Variants in TBC1D19 observed in about 807,000 individuals in gnomAD.
The protein encoded by TBC1D19 is TBC1 domain family member 19, also known as TBC1 domain family, member 19.
TBC1D19 carries 60 observed loss-of-function variants against 89.0 expected under a neutral mutation model. That is an observed-to-expected ratio of 0.67 (90% CI 0.55 to 0.84). The LOEUF is 0.84. Ranked by LOEUF, TBC1D19 falls within the 40% of genes least tolerant of loss-of-function variation. TBC1D19 has a pLI of 0.00. For synonymous variants in TBC1D19, 189 were observed against 199.7 expected (o/e 0.95, Z 0.45); for missense variants, 500 against 610.8 (o/e 0.82, Z 1.91).
chr4:26,642,958 T>C (rs1428064107), intron 7 of TBC1D19, among the ~76,000 whole-genome samples: 7 of 152,294 alleles, frequency 4.6e-5, no homozygotes, highest in Non-Finnish European at 1.0e-4. Flanking sequence ...AAAAGAGACT[T>C]AGACTCCCAC....
chr4:26,830,028 A>G, the TBC1D19 span, among the ~76,000 whole-genome samples: 1 of 152,124 alleles, frequency 6.6e-6, no homozygotes, highest in Non-Finnish European at 1.5e-5. Flanking sequence ...TTGAGGGATT[A>G]GGGCCTTAGT....
At chr4:26,592,066 G>C (rs1390335471) in intron 1 of TBC1D19, among the ~76,000 whole-genome samples, 3 of 152,166 alleles carry the variant, frequency 2.0e-5, no homozygotes, top group Non-Finnish European at 2.9e-5. Flanking sequence ...TATCCCTGAT[G>C]AACATCAATG....
At chr4:26,690,989 G>T (rs918676997) in intron 13 of TBC1D19, among the ~76,000 whole-genome samples, 1 of 152,166 alleles carries the variant, frequency 6.6e-6, no homozygotes. Context: ...ATGCCATTAA[G>T]AACATTTGTG....
the TBC1D19 span, among the ~76,000 whole-genome samples, chr4:26,854,267 C>T: frequency 6.6e-6 from 1 of 152,164 alleles, no homozygotes; most frequent in Non-Finnish European, 1.5e-5. Context: ...AAATACATAT[C>T]TGTTTGGTGC....
chr4:26,628,223 C>T (rs1241988655), intron 4 of TBC1D19, among the ~76,000 whole-genome samples: 1 of 151,878 alleles, frequency 6.6e-6, no homozygotes, highest in East Asian at 1.9e-4. Flanking sequence ...TTCTGAGGGC[C>T]CTGTTCTGTT....
chr4:26,784,758 G>A, the TBC1D19 span, among the ~76,000 whole-genome samples: 5 of 152,202 alleles, frequency 3.3e-5, no homozygotes, highest in East Asian at 1.9e-4. Context: ...GCAGGTTCAT[G>A]TTCTGATACT....
chr4:26,799,399 G>A, the TBC1D19 span, among the ~76,000 whole-genome samples: 1 of 152,158 alleles, frequency 6.6e-6, no homozygotes, highest in African/African-American at 2.4e-5. Flanking sequence ...TTTAATTAAG[G>A]TTGGAAACTC....
chr4:26,836,001 C>CTCTCTCTCTT, the TBC1D19 span, among the ~76,000 whole-genome samples: 233 of 151,420 alleles, frequency 1.5e-3, no homozygotes, highest in African/African-American at 5.3e-3. Context: ...CTCTCTCTCT[C>CTCTCTCTCTT]TCTCTATCAC....
At chr4:26,642,271 T>C (rs1373301585) in intron 7 of TBC1D19, among the ~76,000 whole-genome samples, 1 of 152,166 alleles carries the variant, frequency 6.6e-6, no homozygotes, top group African/African-American at 2.4e-5. Context: ...TGGGGGCCAA[T>C]ATTCAACATT....
chr4:26,840,171 T>A, the TBC1D19 span, among the ~76,000 whole-genome samples: 11 of 152,148 alleles, frequency 7.2e-5, no homozygotes, highest in Admixed American at 7.2e-4. Flanking sequence ...AACCTCCGCC[T>A]CCTGGGTTCA....
At chr4:26,809,377 C>A in the TBC1D19 span, among the ~76,000 whole-genome samples, 1 of 152,152 alleles carries the variant, frequency 6.6e-6, no homozygotes, top group East Asian at 1.9e-4. Context: ...TTCCTGCCAA[C>A]AAGCTGTAAT....
chr4:26,645,396 A>C (rs908213220), intron 7 of TBC1D19, among the ~76,000 whole-genome samples: 12 of 152,154 alleles, frequency 7.9e-5, no homozygotes, highest in African/African-American at 1.9e-4. Flanking sequence ...CAAAAACAAG[A>C]AATGGGGAAA....
At chr4:26,817,968 TAAAAAAA>T in the TBC1D19 span, among the ~76,000 whole-genome samples, 3 of 119,222 alleles carry the variant, frequency 2.5e-5, no homozygotes, top group African/African-American at 1.1e-4. Context: ...AAACTCCATT[TAAAAAAA>T]AAAAAAATAT....
intron 13 of TBC1D19, among the ~76,000 whole-genome samples, chr4:26,715,494 C>T (rs1716531599): frequency 6.6e-6 from 1 of 152,006 alleles, no homozygotes; most frequent in Non-Finnish European, 1.5e-5. Context: ...AGCGAGTGCT[C>T]TTGGAATCAA....
At chr4:26,712,085 A>T (rs973545657) in intron 13 of TBC1D19, among the ~76,000 whole-genome samples, 1 of 152,110 alleles carries the variant, frequency 6.6e-6, no homozygotes, top group Non-Finnish European at 1.5e-5. Flanking sequence ...ACTAAGGGAA[A>T]GTTAATACAA....
intron 16 of TBC1D19, among the ~76,000 whole-genome samples, chr4:26,738,743 A>C (rs1400902411): frequency 6.6e-6 from 1 of 152,060 alleles, no homozygotes; most frequent in Non-Finnish European, 1.5e-5. Flanking sequence ...TCTCACTTGC[A>C]ATGCTAATTT....
At chr4:26,629,346 G>A (rs1413173903) in intron 4 of TBC1D19, among the ~76,000 whole-genome samples, 2 of 151,980 alleles carry the variant, frequency 1.3e-5, no homozygotes, top group African/African-American at 4.8e-5. Context: ...ATCCTCCACA[G>A]GAGAGGCCCC....
At chr4:26,801,572 G>T in the TBC1D19 span, among the ~76,000 whole-genome samples, 1 of 152,098 alleles carries the variant, frequency 6.6e-6, no homozygotes, top group Admixed American at 6.5e-5. Context: ...GATGGGGATG[G>T]TATTGAATCT....
intron 1 of TBC1D19, among the ~76,000 whole-genome samples, chr4:26,596,252 C>A (rs1389654061): frequency 2.6e-5 from 4 of 152,118 alleles, no homozygotes; most frequent in Non-Finnish European, 5.9e-5. Flanking sequence ...CCACCGTGCT[C>A]GGCCCATACA....
Sources: gnomAD v4.1 joint callset for allele counts (sites outside exome capture counted in the v4.1 genomes callset) on GRCh38, gnomAD v4.1.1 for gene constraint, MANE v1.5 for transcripts, NCBI Gene and HGNC (gene_info 2026-07-23, HGNC 2026-07-21) for gene names.